Variants in PPP1R21 observed in about 807,000 individuals in gnomAD.
PPP1R21 encodes protein phosphatase 1 regulatory subunit 21, also known as KLRAQ motif containing 1.
PPP1R21 carries 85 observed loss-of-function variants against 112.8 expected under a neutral mutation model. That is an observed-to-expected ratio of 0.75 (90% CI 0.63 to 0.90). The LOEUF (loss-of-function observed/expected upper bound fraction) is 0.90. Ranked by LOEUF, PPP1R21 falls within the 40% of genes least tolerant of loss-of-function variation. The pLI, the probability that PPP1R21 is intolerant of heterozygous loss-of-function variation, is 0.00. For missense variants in PPP1R21, 1,199 were observed against 901.5 expected (o/e 1.33, Z -4.23); for synonymous variants, 381 against 322.3 (o/e 1.18, Z -1.95).
intron 1 of PPP1R21, 115 bp downstream of exon 1, chr2:48,441,125 C>T (rs963470767): frequency 1.2e-4 from 86 of 731,234 alleles, no homozygotes; most frequent in Non-Finnish European, 2.0e-4. Flanking sequence ...GCGCGCCCCA[C>T]CTTTCCCCTC....
At chr2:48,459,645 A>G in intron 4 of PPP1R21, 109 bp from the exon 5 acceptor site, 1 of 1,183,566 alleles carries the variant, frequency 8.4e-7, no homozygotes, top group Non-Finnish European at 1.2e-6. Flanking sequence ...TAACATAGTC[A>G]GCATATGGAA....
chr2:48,448,858 T>G (rs1667361680), intron 1 of PPP1R21, among the ~76,000 whole-genome samples: 1 of 152,214 alleles, frequency 6.6e-6, no homozygotes, highest in South Asian at 2.1e-4. Flanking sequence ...GCTATGTGGT[T>G]TCTGTTGCAA....
At chr2:48,488,273 C>T (rs534196051) in intron 14 of PPP1R21, among the ~76,000 whole-genome samples, 1 of 152,226 alleles carries the variant, frequency 6.6e-6, no homozygotes, top group South Asian at 2.1e-4. Flanking sequence ...CCACGGCATG[C>T]CAGATGCTTT....
chr2:48,514,069 T>G (rs765001002), intron 21 of PPP1R21, among the ~76,000 whole-genome samples: 1 of 143,234 alleles, frequency 7.0e-6, no homozygotes, highest in Non-Finnish European at 1.5e-5. Flanking sequence ...TGACGAGACA[T>G]GTTCTTTTTT....
At chr2:48,499,678 C>T (rs978326713) in intron 17 of PPP1R21, among the ~76,000 whole-genome samples, 1 of 152,226 alleles carries the variant, frequency 6.6e-6, no homozygotes, top group African/African-American at 2.4e-5. Flanking sequence ...TATACACATA[C>T]TGTAGAAACC....
At chr2:48,506,329 G>A (rs775445793) in intron 18 of PPP1R21, among the ~76,000 whole-genome samples, 1 of 152,124 alleles carries the variant, frequency 6.6e-6, no homozygotes, top group African/African-American at 2.4e-5. Context: ...CCTGAGTTCA[G>A]GTGATCCATC....
chr2:48,456,351 A>C (rs1667726742), intron 3 of PPP1R21, among the ~76,000 whole-genome samples: 8 of 151,966 alleles, frequency 5.3e-5, no homozygotes, highest in Admixed American at 5.2e-4. Flanking sequence ...AGGCAGTAAC[A>C]GTAGAATGGG....
Position 48,459,827 on chromosome 2 carries a change from A to G in PPP1R21, c.449A>G (p.Glu150Gly). The stretch of plus-strand genomic sequence containing the variant: ...AGTCGACTGGCCACTCTGGAGACAG[A>G]AGCAGCCCAGCACCAAGCTGTGGTT... The part of the protein sequence containing the change: ...LRSRLATLET[E>G]AAQHQAVVDG... Residue 150 changes from glutamate (E) to glycine (G), a missense_variant, in exon 5 of 22, where the codon GAA (glutamate) becomes GGA (glycine). Glu to Gly is a moderately conservative substitution (Grantham distance 98). Coordinates refer to ENST00000294952, the MANE Select transcript of PPP1R21 (RefSeq NM_001135629.3). 6.2e-7 allele frequency: 1 copy of G among 1,614,190 alleles called. No individual in the cohort carries two copies. Among genetic ancestry groups the G allele is most frequent in the Non-Finnish European group, 8.5e-7 (1 of 1,180,038 alleles).
At chr2:48,469,085 C>G (rs1415896568) in intron 9 of PPP1R21, among the ~76,000 whole-genome samples, 1 of 151,376 alleles carries the variant, frequency 6.6e-6, no homozygotes, top group Non-Finnish European at 1.5e-5. Context: ...CCCTGATAAA[C>G]CTGTCAGATC....
intron 7 of PPP1R21, 69 bp downstream of exon 7, chr2:48,461,301 G>A: frequency 7.0e-7 from 1 of 1,419,638 alleles, no homozygotes; most frequent in Non-Finnish European, 9.2e-7. Flanking sequence ...ACTAATTAAA[G>A]TAATTTTTAA....
chr2:48,456,480 C>T (rs1363978110), intron 3 of PPP1R21, among the ~76,000 whole-genome samples: 1 of 152,120 alleles, frequency 6.6e-6, no homozygotes, highest in African/African-American at 2.4e-5. Context: ...AAATCTGTGA[C>T]TTTCGGCACA....
intron 7 of PPP1R21, among the ~76,000 whole-genome samples, chr2:48,461,939 A>C (rs939762299): frequency 6.6e-6 from 1 of 152,242 alleles, no homozygotes; most frequent in Non-Finnish European, 1.5e-5. Flanking sequence ...GGAAGAAAAA[A>C]AAAGAAAAAT....
chr2:48,485,964 G>C (rs1212966656), intron 13 of PPP1R21, among the ~76,000 whole-genome samples: 1 of 146,576 alleles, frequency 6.8e-6, no homozygotes, highest in Non-Finnish European at 1.5e-5. Context: ...ATTATATATA[G>C]TTTTATATAT....
chr2:48,467,991 G>T (rs1294464886), intron 9 of PPP1R21, among the ~76,000 whole-genome samples: 1 of 152,136 alleles, frequency 6.6e-6, no homozygotes, highest in Non-Finnish European at 1.5e-5. Context: ...TATTTTCAGG[G>T]TCTGAACAGT....
chr2:48,498,549 G>A lies in PPP1R21; in HGVS notation c.1749G>A (p.Met583Ile), dbSNP rs200551089. The change falls in exon 17 of 22, where the codon ATG (methionine) becomes ATA (isoleucine). Residue 583 changes from methionine (M) to isoleucine (I), a missense_variant. Physicochemically the swap from Met to Ile is conservative, Grantham distance 10. Coordinates refer to ENST00000294952, the MANE Select transcript of PPP1R21 (RefSeq NM_001135629.3). ...TGGAGCAGGAAAAAGAACATTGGAT[G>A]TTGGAAGCACAATTAGCCAAAATCA... ...SKLEQEKEHW[M>I]LEAQLAKIKL... The A allele has an allele frequency of 4.4e-5, 71 of 1,614,018 alleles. No homozygotes were observed. Among genetic ancestry groups the A allele is most frequent in the Non-Finnish European group, 5.9e-5 (70 of 1,179,996 alleles).
At chr2:48,505,619 T>C (rs1183523152) in intron 18 of PPP1R21, 23 bp downstream of exon 18, 1 of 1,538,238 alleles carries the variant, frequency 6.5e-7, no homozygotes, top group African/African-American at 1.4e-5. Context: ...TGTCATCATG[T>C]TGTTTGTTAG....
At chr2:48,483,869 A>G (rs1053595796) in intron 13 of PPP1R21, among the ~76,000 whole-genome samples, 1 of 151,916 alleles carries the variant, frequency 6.6e-6, no homozygotes, top group Non-Finnish European at 1.5e-5. Flanking sequence ...TTTCTTTTTT[A>G]TAGAGGTGGG....
intron 9 of PPP1R21, among the ~76,000 whole-genome samples, chr2:48,468,550 C>G (rs756677662): frequency 2.6e-4 from 40 of 152,312 alleles, no homozygotes; most frequent in South Asian, 6.2e-4. Context: ...CAGTAGCTCA[C>G]ACCTGTAATC....
chr2:48,477,889 C>T (rs1221900448), intron 12 of PPP1R21, among the ~76,000 whole-genome samples: 1 of 152,030 alleles, frequency 6.6e-6, no homozygotes, highest in African/African-American at 2.4e-5. Flanking sequence ...TGTGTGATCT[C>T]CTGTGGAGAT....
Sources: gnomAD v4.1 joint callset for allele counts (sites outside exome capture counted in the v4.1 genomes callset) on GRCh38, gnomAD v4.1.1 for gene constraint, MANE v1.5 for transcripts, NCBI Gene and HGNC (gene_info 2026-07-23, HGNC 2026-07-21) for gene names.